The following NRXN3 variants were observed in gnomAD, a reference collection of about 807,000 sequenced individuals.
NRXN3 encodes neurexin III.
A neutral mutation model predicts 137.6 loss-of-function variants in NRXN3; 32 were observed. That is an observed-to-expected ratio of 0.23 (90% confidence interval 0.18 to 0.31). The LOEUF is 0.31. Ranked by LOEUF, NRXN3 falls within the 10% of genes least tolerant of loss-of-function variation. The pLI is 1.00. For synonymous variants in NRXN3, 798 were observed against 784.5 expected, an observed-to-expected ratio of 1.02 and a Z score of -0.29; for missense variants, 1,574 against 2,062.5, an observed-to-expected ratio of 0.76 and a Z score of 4.59.
At chr14:78,367,626 C>G (rs1417605403) in intron 4 of NRXN3, among the ~76,000 whole-genome samples, 1 of 152,106 alleles carries the variant, frequency 6.6e-6, no homozygotes, top group African/African-American at 2.4e-5. Context: ...GGATTTTGTT[C>G]CCTTGGAATC....
intron 16 of NRXN3, among the ~76,000 whole-genome samples, chr14:79,564,670 T>C (rs536591598): frequency 6.6e-6 from 1 of 152,238 alleles, no homozygotes; most frequent in Non-Finnish European, 1.5e-5. Flanking sequence ...GTATATTTCA[T>C]CTCAATGACA....
intron 1 of NRXN3, among the ~76,000 whole-genome samples, chr14:78,193,584 A>C (rs1195907801): frequency 1.3e-5 from 2 of 152,116 alleles, no homozygotes; most frequent in Non-Finnish European, 1.5e-5. Context: ...CAACATGGTG[A>C]AACCCCATCT....
chr14:79,288,324 T>C (rs2082620454), intron 15 of NRXN3, among the ~76,000 whole-genome samples: 1 of 152,184 alleles, frequency 6.6e-6, no homozygotes, highest in Admixed American at 6.5e-5. Context: ...TTCTGCTGTG[T>C]TTAGCCATAT....
chr14:78,205,859 G>T (rs1379048210), intron 1 of NRXN3, among the ~76,000 whole-genome samples: 2 of 152,216 alleles, frequency 1.3e-5, no homozygotes, highest in East Asian at 3.9e-4. Context: ...GTGGGAATGG[G>T]TGAGAGAGGA....
At chr14:79,273,648 CATAAA>C (rs577582978) in intron 15 of NRXN3, among the ~76,000 whole-genome samples, 320 of 152,058 alleles carry the variant, frequency 2.1e-3, no homozygotes, top group Non-Finnish European at 3.5e-3. Context: ...TAAATAAATA[CATAAA>C]ATAAAATAAT....
chr14:78,373,695 T>C (rs376087621), intron 4 of NRXN3, among the ~76,000 whole-genome samples: 71 of 152,090 alleles, frequency 4.7e-4, no homozygotes, highest in African/African-American at 1.6e-3. Context: ...GAAAGTGGTG[T>C]GATGGAAATG....
chr14:78,645,120 C>T lies in NRXN3; in HGVS notation c.758C>T (p.Ala253Val). 5.2e-6 allele frequency: 8 copies of T among 1,547,562 alleles called. No homozygotes were observed. Among genetic ancestry groups the T allele is most frequent in the Non-Finnish European group, 6.9e-6 (8 of 1,152,162 alleles). Residue 253 changes from alanine (A) to valine (V), a missense_variant and splice_region_variant, in exon 5 of 21, where the codon GCT becomes GTT. Ala to Val is a moderately conservative substitution (Grantham distance 64). Coordinates refer to ENST00000335750, the MANE Select transcript of NRXN3 (RefSeq NM_001330195.2). Reference sequence around the variant, plus strand: ...GCTTTCCTCTTTTCTTTTCCTATAGCTCGAGAGGAGAATGTGGCCACTTTC... The same window carrying T: ...GCTTTCCTCTTTTCTTTTCCTATAGTTCGAGAGGAGAATGTGGCCACTTTC... Reference protein sequence around the residue: ...GLSHLMMSEQAREENVATFRG... With the variant: ...GLSHLMMSEQVREENVATFRG...
intron 14 of NRXN3, among the ~76,000 whole-genome samples, chr14:78,978,361 T>C (rs1243651428): frequency 1.3e-5 from 2 of 152,176 alleles, no homozygotes; most frequent in East Asian, 1.9e-4. Context: ...TTGCCTTATG[T>C]TCTATAAAAT....
At chr14:78,199,664 T>G (rs1400941145) in intron 1 of NRXN3, among the ~76,000 whole-genome samples, 1 of 152,164 alleles carries the variant, frequency 6.6e-6, no homozygotes, top group Non-Finnish European at 1.5e-5. Context: ...CTCTGCTATT[T>G]GATTGGTTAA....
At chr14:79,350,681 A>C (rs2093161887) in intron 15 of NRXN3, among the ~76,000 whole-genome samples, 1 of 152,038 alleles carries the variant, frequency 6.6e-6, no homozygotes, top group South Asian at 2.1e-4. Flanking sequence ...ATGGATATGA[A>C]GCCGATTAAG....
At chr14:78,861,282 A>G (rs1238746075) in intron 10 of NRXN3, among the ~76,000 whole-genome samples, 1 of 152,150 alleles carries the variant, frequency 6.6e-6, no homozygotes, top group Non-Finnish European at 1.5e-5. Context: ...CATTAGCCAA[A>G]CAGGAGATTC....
intron 4 of NRXN3, among the ~76,000 whole-genome samples, chr14:78,418,114 G>T (rs1015212819): frequency 4.6e-5 from 7 of 152,136 alleles, no homozygotes; most frequent in Non-Finnish European, 7.4e-5. Context: ...GGTGAAATTT[G>T]TATGGCTCTG....
rs2092552268 is a variant in NRXN3, at chr14:79,340,548, C to A, written c.3263-126673C>A. ...TGGTGCGATATCAGCTCACCACAAC[C>A]TCCACCTTCCAGGTTCAAGGGATTC... is the stretch of plus-strand genomic sequence containing the variant. On this transcript the variant is annotated intron_variant, in intron 15 of 20. Coordinates refer to ENST00000335750, the MANE Select transcript of NRXN3 (RefSeq NM_001330195.2). Among the ~76,000 whole-genome samples, 3 of 152,312 alleles carry A rather than the reference C, an allele frequency of 2.0e-5. No homozygotes were observed. The South Asian group carries it at 6.2e-4, about 32-fold the overall frequency.
intron 16 of NRXN3, among the ~76,000 whole-genome samples, chr14:79,549,844 G>A (rs774819995): frequency 1.3e-5 from 2 of 152,154 alleles, no homozygotes; most frequent in African/African-American, 2.4e-5. Flanking sequence ...GGGCTCTGCG[G>A]TTGATTGTCT....
At chr14:78,535,883 T>C (rs1261628622) in intron 4 of NRXN3, among the ~76,000 whole-genome samples, 1 of 152,172 alleles carries the variant, frequency 6.6e-6, no homozygotes, top group Non-Finnish European at 1.5e-5. Context: ...CAAGAAATGC[T>C]ATTTGTGGTG....
At chr14:79,013,544 A>G (rs2099574549) in intron 15 of NRXN3, among the ~76,000 whole-genome samples, 2 of 152,152 alleles carry the variant, frequency 1.3e-5, no homozygotes, top group African/African-American at 4.8e-5. Context: ...TCCTGAATGC[A>G]TTTCTCTTCA....
chr14:78,752,277 T>C lies in NRXN3; in HGVS notation c.2044+37138T>C, dbSNP rs1423142767. 6.6e-5 allele frequency among the ~76,000 whole-genome samples: 10 copies of C among 152,072 alleles called. No homozygotes were observed. In the South Asian group the frequency reaches 1.7e-3, roughly 25 times the overall value. On this transcript the variant is annotated intron_variant, in intron 8 of 20. Transcript: ENST00000335750. ...ACTAAAAATACAAAGATTAGCTGGGTATGGTGGCACATGCCCATAGTCCAG... is the reference window on the plus strand; with the variant it reads ...ACTAAAAATACAAAGATTAGCTGGGCATGGTGGCACATGCCCATAGTCCAG...
intron 15 of NRXN3, among the ~76,000 whole-genome samples, chr14:79,110,802 A>ATTTATTT (rs1555758185): frequency 6.7e-6 from 1 of 149,752 alleles, no homozygotes; most frequent in East Asian, 1.9e-4. Context: ...TTATTTTTTT[A>ATTTATTT]TTTTTTGAGA....
At chr14:79,542,437 C>T (rs2097282154) in intron 16 of NRXN3, among the ~76,000 whole-genome samples, 1 of 152,146 alleles carries the variant, frequency 6.6e-6, no homozygotes, top group Non-Finnish European at 1.5e-5. Context: ...CCTACGTGAA[C>T]ATCCTTCTCT....
Sources: gnomAD v4.1 joint callset for allele counts (sites outside exome capture counted in the v4.1 genomes callset) on GRCh38, gnomAD v4.1.1 for gene constraint, MANE v1.5 for transcripts, NCBI Gene and HGNC (gene_info 2026-07-23, HGNC 2026-07-21) for gene names.